The following SLC26A5 variants were observed in gnomAD, a reference collection of about 807,000 sequenced individuals.
SLC26A5 encodes prestin.
In SLC26A5, 51 loss-of-function variants were observed where a neutral mutation model predicts 81.0. The observed-to-expected ratio is 0.63, with a 90% confidence interval of 0.50 to 0.80. The LOEUF is 0.80. SLC26A5 is among the 30% of genes least tolerant of loss of function. SLC26A5 has a pLI of 0.00. For missense variants in SLC26A5, 771 were observed against 905.8 expected, an observed-to-expected ratio of 0.85 and a Z score of 1.91; for synonymous variants, 325 against 332.8, an observed-to-expected ratio of 0.98 and a Z score of 0.25.
At chr7:103,381,680 C>A (rs180808627) in intron 14 of SLC26A5, among the ~76,000 whole-genome samples, 1 of 150,578 alleles carries the variant, frequency 6.6e-6, no homozygotes, top group East Asian at 2.0e-4. Flanking sequence ...AATACACATA[C>A]GTGCAGACAC....
downstream of SLC26A5, among the ~76,000 whole-genome samples, chr7:103,371,591 C>T (rs1821042343): frequency 6.7e-6 from 1 of 149,594 alleles, no homozygotes; most frequent in Admixed American, 6.8e-5. Context: ...TCCCAAAGTA[C>T]TGGATTACAG....
chr7:103,384,849 C>T (rs1300467488), intron 14 of SLC26A5, among the ~76,000 whole-genome samples: 2 of 152,046 alleles, frequency 1.3e-5, no homozygotes, highest in Non-Finnish European at 2.9e-5. Flanking sequence ...ATAATTTGTG[C>T]CATCATTACT....
chr7:103,409,270 C>T (rs1184880684), intron 7 of SLC26A5, among the ~76,000 whole-genome samples: 3 of 152,246 alleles, frequency 2.0e-5, no homozygotes, highest in African/African-American at 4.8e-5. Flanking sequence ...TGCATCTTGG[C>T]ACCTAGCAGT....
intron 14 of SLC26A5, among the ~76,000 whole-genome samples, chr7:103,386,560 C>A (rs1822212550): frequency 6.6e-6 from 1 of 151,586 alleles, no homozygotes; most frequent in African/African-American, 2.4e-5. Flanking sequence ...AAGACTCTGT[C>A]TCAAAAGAAA....
intron 2 of SLC26A5, among the ~76,000 whole-genome samples, chr7:103,431,533 C>T (rs1369235354): frequency 6.6e-6 from 1 of 152,132 alleles, no homozygotes; most frequent in East Asian, 1.9e-4. Flanking sequence ...ATTATGGTGC[C>T]CAGGCCGATC....
intron 14 of SLC26A5, among the ~76,000 whole-genome samples, chr7:103,382,425 T>C (rs1023708434): frequency 6.8e-6 from 1 of 147,464 alleles, no homozygotes; most frequent in Admixed American, 6.9e-5. Flanking sequence ...TCTTGGCTCA[T>C]TGCAACCTCC....
chr7:103,368,102 A>G (rs1803991), intron 19 of SLC26A5: 1 of 1,505,838 alleles, frequency 6.6e-7, no homozygotes, highest in South Asian at 1.3e-5. Context: ...TCCTAACCTT[A>G]TATAGACTTG....
At chr7:103,384,703 C>T (rs1243637456) in intron 14 of SLC26A5, among the ~76,000 whole-genome samples, 3 of 152,136 alleles carry the variant, frequency 2.0e-5, no homozygotes, top group Non-Finnish European at 4.4e-5. Flanking sequence ...TGATCTTGTG[C>T]AAGTTACCCA....
At chr7:103,381,950 C>CAT (rs1217463178) in intron 14 of SLC26A5, among the ~76,000 whole-genome samples, 3 of 151,890 alleles carry the variant, frequency 2.0e-5, no homozygotes, top group East Asian at 3.9e-4. Context: ...CACACACACA[C>CAT]ATCACGTATA....
At position 103,411,425 on chromosome 7, in the gene SLC26A5, T is replaced by C; in HGVS notation, c.565A>G (p.Ile189Val). The change falls in exon 6 of 20, where the codon ATT becomes GTT. Residue 189 changes from isoleucine to valine, a missense_variant. Coordinates refer to ENST00000306312, the MANE Select transcript of SLC26A5 (RefSeq NM_198999.3). ...TCCCCATCTTTGAGCCTTACCTGAA[T>C]GATTCCTGAAAGTAAGGTCACAGAC... is the stretch of plus-strand genomic sequence containing the variant. ...AMSVTLLSGI[I>V]QFCLGVCRFG... 1 of 1,614,172 alleles carries C rather than the reference T, an allele frequency of 6.2e-7. No individual in the cohort carries two copies. The highest frequency in any genetic ancestry group is 1.1e-5 in the South Asian group (1 of 91,082).
At chr7:103,365,683 A>G (rs1272679095) in intron 19 of SLC26A5, among the ~76,000 whole-genome samples, 1 of 152,116 alleles carries the variant, frequency 6.6e-6, no homozygotes, top group Non-Finnish European at 1.5e-5. Context: ...TAATCCCAGC[A>G]CTTTGGGAGG....
chr7:103,409,417 T>A (rs1195773459), intron 7 of SLC26A5, among the ~76,000 whole-genome samples: 2 of 152,262 alleles, frequency 1.3e-5, no homozygotes, highest in Non-Finnish European at 2.9e-5. Context: ...TCTTTATTCA[T>A]GGGTCATTTA....
intron 9 of SLC26A5, among the ~76,000 whole-genome samples, chr7:103,394,548 T>C (rs1344136145): frequency 2.0e-5 from 3 of 152,186 alleles, no homozygotes; most frequent in Non-Finnish European, 4.4e-5. Context: ...AAACAGGATA[T>C]AGTGCTATGA....
At chr7:103,412,344 G>A (rs1334485791) in intron 5 of SLC26A5, among the ~76,000 whole-genome samples, 1 of 152,056 alleles carries the variant, frequency 6.6e-6, no homozygotes, top group Non-Finnish European at 1.5e-5. Flanking sequence ...TGAAATACAT[G>A]CATAGCGATT....
chr7:103,441,304 G>C (rs1826862673), intron 2 of SLC26A5, among the ~76,000 whole-genome samples: 1 of 152,148 alleles, frequency 6.6e-6, no homozygotes, highest in African/African-American at 2.4e-5. Flanking sequence ...GGTAGTAGGA[G>C]ATTAAAAGAA....
chr7:103,445,531 C>T (rs1827229904), intron 1 of SLC26A5: 1 of 152,270 alleles, frequency 6.6e-6, no homozygotes, highest in Admixed American at 6.5e-5. Flanking sequence ...GCAGTCCCTT[C>T]GTGACCGGAT....
intron 19 of SLC26A5, among the ~76,000 whole-genome samples, chr7:103,375,560 T>C (rs1385254767): frequency 6.6e-6 from 1 of 152,176 alleles, no homozygotes; most frequent in Non-Finnish European, 1.5e-5. Flanking sequence ...GTAGCATCTT[T>C]ATGAAGATTT....
At chr7:103,352,830 A>T in exon 20 of SLC26A5, 1 of 780,790 alleles carries the variant, frequency 1.3e-6, no homozygotes, top group Non-Finnish European at 2.4e-6. Flanking sequence ...CAGAGCTGGC[A>T]TTCAAACCCT....
intron 8 of SLC26A5, among the ~76,000 whole-genome samples, chr7:103,402,468 T>C (rs1388537598): frequency 1.3e-5 from 2 of 151,462 alleles, no homozygotes; most frequent in Non-Finnish European, 2.9e-5. Flanking sequence ...AGTGTGATCT[T>C]GGCTCACTGC....
Sources: gnomAD v4.1 joint callset for allele counts (sites outside exome capture counted in the v4.1 genomes callset) on GRCh38, gnomAD v4.1.1 for gene constraint, MANE v1.5 for transcripts, NCBI Gene and HGNC (gene_info 2026-07-23, HGNC 2026-07-21) for gene names.